The following PLXDC2 variants were observed in gnomAD, a reference collection of about 807,000 sequenced individuals.
PLXDC2 encodes plexin domain-containing protein 2.
Under a neutral mutation model 68.9 loss-of-function variants are expected in PLXDC2, and 40 were observed. The ratio of observed to expected loss-of-function variants is 0.58; its 90% confidence interval spans 0.45 to 0.76. PLXDC2 has a LOEUF of 0.76. Among genes scored for constraint, PLXDC2 ranks in the 30% least tolerant of loss-of-function variants. PLXDC2 has a pLI of 0.00. For synonymous variants in PLXDC2, 243 were observed against 234.2 expected, an observed-to-expected ratio of 1.04 and a Z score of -0.34; for missense variants, 644 against 661.9, an observed-to-expected ratio of 0.97 and a Z score of 0.30.
Position 20,030,195 on chromosome 10 carries a change from A to AAAACAAAC in PLXDC2, c.325-16663_325-16656dup, listed in dbSNP as rs61347435. Among the ~76,000 whole-genome samples the AAAACAAAC allele has an allele frequency of 1.9e-4, 29 of 151,256 alleles. No individual in the cohort carries two copies. The East Asian group carries it at 2.0e-3, about 10-fold the overall frequency. On this transcript the variant is annotated intron_variant, in intron 2 of 13. Transcript: ENST00000377252. ...CCAGACAGCTCAACGGCTCAGGAAC[A>AAAACAAAC]AAACAAACAAACAAACAAGAAACAA...
chr10:19,953,601 G>A (rs1479004678), intron 1 of PLXDC2, among the ~76,000 whole-genome samples: 1 of 152,164 alleles, frequency 6.6e-6, no homozygotes, highest in East Asian at 1.9e-4. Context: ...AGTAGTATTA[G>A]CATTAAAATC....
At chr10:19,982,955 T>C (rs1834576889) in intron 1 of PLXDC2, among the ~76,000 whole-genome samples, 1 of 152,228 alleles carries the variant, frequency 6.6e-6, no homozygotes, top group African/African-American at 2.4e-5. Context: ...ATATTATTTT[T>C]AAAATTTCAT....
intron 1 of PLXDC2, among the ~76,000 whole-genome samples, chr10:19,958,426 A>G (rs139497314): frequency 9.9e-5 from 15 of 152,282 alleles, no homozygotes; most frequent in African/African-American, 3.4e-4. Flanking sequence ...AAAATAAATT[A>G]TAACCTATTT....
intron 3 of PLXDC2, among the ~76,000 whole-genome samples, chr10:20,055,889 A>G (rs1160074148): frequency 2.6e-5 from 4 of 152,178 alleles, no homozygotes; most frequent in Non-Finnish European, 4.4e-5. Context: ...AAAATATTAA[A>G]GGAATTCTCT....
intron 1 of PLXDC2, among the ~76,000 whole-genome samples, chr10:19,959,232 C>A (rs1834118434): frequency 1.3e-5 from 2 of 152,076 alleles, no homozygotes; most frequent in South Asian, 4.1e-4. Context: ...TCTTACAAAA[C>A]TGTTGAATGA....
chr10:20,055,197 G>C (rs1835975675), intron 3 of PLXDC2, among the ~76,000 whole-genome samples: 1 of 151,968 alleles, frequency 6.6e-6, no homozygotes. Flanking sequence ...AACTGTCCTT[G>C]ATGACATTTC....
At chr10:19,884,171 A>C (rs922928067) in intron 1 of PLXDC2, among the ~76,000 whole-genome samples, 1 of 151,780 alleles carries the variant, frequency 6.6e-6, no homozygotes, top group African/African-American at 2.4e-5. Context: ...TGCTGGAATT[A>C]CAGGTGTGAA....
chr10:20,115,064 T>C (rs1589635840), intron 4 of PLXDC2, among the ~76,000 whole-genome samples: 1 of 152,226 alleles, frequency 6.6e-6, no homozygotes, highest in East Asian at 1.9e-4. Context: ...AGTTGTTTCC[T>C]GAATGGCTAG....
At chr10:19,868,358 A>T (rs368913896) in intron 1 of PLXDC2, among the ~76,000 whole-genome samples, 1 of 152,136 alleles carries the variant, frequency 6.6e-6, no homozygotes, top group African/African-American at 2.4e-5. Flanking sequence ...AGGTAGTTTT[A>T]TATGAGATTT....
At chr10:19,951,413 T>A (rs1039511921) in intron 1 of PLXDC2, among the ~76,000 whole-genome samples, 2 of 152,052 alleles carry the variant, frequency 1.3e-5, no homozygotes, top group African/African-American at 2.4e-5. Context: ...AAATGCTCAT[T>A]ATCACTAATC....
chr10:20,016,000 A>G (rs1406979055), intron 2 of PLXDC2, among the ~76,000 whole-genome samples: 1 of 152,196 alleles, frequency 6.6e-6, no homozygotes, highest in African/African-American at 2.4e-5. Context: ...AGCCATCACG[A>G]GTATAAAGTA....
At chr10:20,161,031 G>A (rs1834283794) in intron 6 of PLXDC2, among the ~76,000 whole-genome samples, 1 of 152,072 alleles carries the variant, frequency 6.6e-6, no homozygotes, top group African/African-American at 2.4e-5. Flanking sequence ...ATTAGGATGA[G>A]CAATACTACC....
chr10:20,180,567 C>T (rs1252680158), intron 9 of PLXDC2, among the ~76,000 whole-genome samples: 1 of 152,016 alleles, frequency 6.6e-6, no homozygotes, highest in Non-Finnish European at 1.5e-5. Context: ...TGATTTTTTT[C>T]TCCCATAGCT....
At chr10:20,136,189 A>G (rs192951156) in intron 4 of PLXDC2, among the ~76,000 whole-genome samples, 45 of 152,330 alleles carry the variant, frequency 3.0e-4, no homozygotes, top group African/African-American at 1.0e-3. Context: ...ATAGTGAACT[A>G]TGTGGTCTAC....
At chr10:19,975,095 C>A (rs1834427064) in intron 1 of PLXDC2, among the ~76,000 whole-genome samples, 2 of 152,154 alleles carry the variant, frequency 1.3e-5, no homozygotes. Context: ...TATTTTTCTA[C>A]TTATATCTAA....
In PLXDC2 at chr10:20,054,516, T is replaced by C. The variant is rs190411748; in HGVS notation, c.471+7501T>C. Among the ~76,000 whole-genome samples, 98 of 152,046 alleles carry C rather than the reference T, an allele frequency of 6.4e-4. No individual in the cohort carries two copies. The East Asian group carries it at 0.018, about 29-fold the overall frequency. ...ATGGAAAGATAGCTAGGTAGACAGA[T>C]ATATTAATAGATGGATGTGAGTTCA... On this transcript the variant is annotated intron_variant, in intron 3 of 13. Transcript: ENST00000377252.
chr10:20,246,630 G>A (rs1320469650), intron 13 of PLXDC2, among the ~76,000 whole-genome samples: 1 of 152,214 alleles, frequency 6.6e-6, no homozygotes, highest in Non-Finnish European at 1.5e-5. Context: ...GATTACAGGT[G>A]TGAGCCATCG....
chr10:20,134,080 CTT>C (rs1419208120), intron 4 of PLXDC2, among the ~76,000 whole-genome samples: 1 of 152,028 alleles, frequency 6.6e-6, no homozygotes, highest in Admixed American at 6.6e-5. Context: ...GTTTCTGTCT[CTT>C]TGTTAAACTT....
At chr10:19,993,215 T>G (rs1179573517) in intron 1 of PLXDC2, among the ~76,000 whole-genome samples, 1 of 152,194 alleles carries the variant, frequency 6.6e-6, no homozygotes, top group African/African-American at 2.4e-5. Flanking sequence ...TTTTAATACT[T>G]TAGTAAAGAT....
Sources: allele counts gnomAD v4.1 joint callset (sites outside exome capture counted in the v4.1 genomes callset), GRCh38; gene constraint gnomAD v4.1.1; transcripts MANE v1.5; gene names NCBI Gene and HGNC (gene_info 2026-07-23, HGNC 2026-07-21).